Variants in DLG2 observed in about 807,000 individuals in gnomAD.
DLG2 encodes disks large homolog 2.
DLG2 carries 45 observed loss-of-function variants against 132.5 expected under a neutral mutation model. That is an observed-to-expected ratio of 0.34 (90% confidence interval 0.27 to 0.44). DLG2 has a LOEUF of 0.44. DLG2 is among the 20% of genes least tolerant of loss of function. The pLI, the probability that DLG2 is intolerant of heterozygous loss-of-function variation, is 1.00. For synonymous variants in DLG2, 424 were observed against 419.6 expected, an observed-to-expected ratio of 1.01 and a Z score of -0.13; for missense variants, 1,045 against 1,196.9, an observed-to-expected ratio of 0.87 and a Z score of 1.87.
At chr11:84,380,182 A>T (rs1259611082) in intron 7 of DLG2, among the ~76,000 whole-genome samples, 1 of 152,102 alleles carries the variant, frequency 6.6e-6, no homozygotes, top group Non-Finnish European at 1.5e-5. Flanking sequence ...GCTCATGGAA[A>T]CCTGTAAGTA....
intron 18 of DLG2, among the ~76,000 whole-genome samples, chr11:83,719,031 C>G (rs1429439705): frequency 6.6e-6 from 1 of 152,204 alleles, no homozygotes; most frequent in African/African-American, 2.4e-5. Flanking sequence ...TGCCTCAACT[C>G]TACTTCAGAC....
intron 10 of DLG2, among the ~76,000 whole-genome samples, chr11:84,069,077 G>A (rs1014502753): frequency 6.6e-6 from 1 of 152,186 alleles, no homozygotes; most frequent in Non-Finnish European, 1.5e-5. Context: ...GGGAGGGCTT[G>A]TTAAACTATA....
intron 18 of DLG2, among the ~76,000 whole-genome samples, chr11:83,741,129 A>G (rs1207474622): frequency 6.6e-6 from 1 of 152,212 alleles, no homozygotes; most frequent in Non-Finnish European, 1.5e-5. Flanking sequence ...CCCTTAACAG[A>G]CTAGGCACTG....
At chr11:85,191,246 G>A (rs1489593446) in intron 4 of DLG2, among the ~76,000 whole-genome samples, 14 of 148,434 alleles carry the variant, frequency 9.4e-5, no homozygotes, top group Non-Finnish European at 2.1e-4. Context: ...ACAAAATGGC[G>A]TATGGTGTAT....
At chr11:84,703,883 T>TATATATATATATATATATACACAC (rs1555174924) in intron 6 of DLG2, among the ~76,000 whole-genome samples, 3 of 119,920 alleles carry the variant, frequency 2.5e-5, no homozygotes, top group Admixed American at 2.4e-4. Context: ...TATATATATA[T>TATATATATATATATATATACACAC]ACACGTGTGT....
chr11:84,231,427 A>G (rs144897527), intron 8 of DLG2, among the ~76,000 whole-genome samples: 1 of 152,326 alleles, frequency 6.6e-6, no homozygotes, highest in African/African-American at 2.4e-5. Context: ...TCTCAGTGAT[A>G]CAACTACAGA....
At chr11:83,468,048 C>T (rs1436964856) in intron 25 of DLG2, among the ~76,000 whole-genome samples, 1 of 151,854 alleles carries the variant, frequency 6.6e-6, no homozygotes, top group Non-Finnish European at 1.5e-5. Flanking sequence ...GATACATTTG[C>T]CACATCATAT....
chr11:84,277,432 ACT>A lies in DLG2; in HGVS notation c.520-26143_520-26142del, dbSNP rs147747141. ...ATCAATAACAGAACAATCTCTGGAAACTCTCAAAATATTAAGAAAATAAATGA... is the reference window on the plus strand; with the variant it reads ...ATCAATAACAGAACAATCTCTGGAAACTCAAAATATTAAGAAAATAAATGA... On this transcript the variant is annotated intron_variant, in intron 7 of 27. Coordinates refer to ENST00000376104, the MANE Select transcript of DLG2 (RefSeq NM_001142699.3). 2.0e-3 allele frequency among the ~76,000 whole-genome samples: 299 copies of A among 152,338 alleles called. 5 individuals carry two copies. In the East Asian group the frequency reaches 0.046, roughly 23 times the overall value.
chr11:85,117,101 C>T (rs115142603), intron 5 of DLG2, among the ~76,000 whole-genome samples: 24 of 152,064 alleles, frequency 1.6e-4, no homozygotes, highest in African/African-American at 5.1e-4. Context: ...TCTCAGAGTT[C>T]GTCAAGGCAA....
At chr11:83,706,162 G>A (rs935052995) in intron 18 of DLG2, among the ~76,000 whole-genome samples, 10 of 150,742 alleles carry the variant, frequency 6.6e-5, no homozygotes, top group Non-Finnish European at 1.3e-4. Context: ...AGGTTGCAGT[G>A]AGCTGAGATC....
intron 6 of DLG2, among the ~76,000 whole-genome samples, chr11:84,582,298 C>T (rs911303698): frequency 6.7e-6 from 1 of 149,946 alleles, no homozygotes; most frequent in East Asian, 1.9e-4. Flanking sequence ...TTGAAGGTGG[C>T]GAATATATAT....
intron 7 of DLG2, among the ~76,000 whole-genome samples, chr11:84,447,058 T>A (rs1010855587): frequency 6.6e-6 from 1 of 152,216 alleles, no homozygotes; most frequent in African/African-American, 2.4e-5. Context: ...TATTGTTAAG[T>A]GTTTCCTGCA....
intron 22 of DLG2, among the ~76,000 whole-genome samples, chr11:83,479,468 G>T (rs187283623): frequency 3.7e-4 from 57 of 152,176 alleles, no homozygotes; most frequent in African/African-American, 1.3e-3. Flanking sequence ...AGCATCTGTG[G>T]GTCACAGGTA....
intron 6 of DLG2, among the ~76,000 whole-genome samples, chr11:84,816,139 C>G (rs1366056288): frequency 2.0e-5 from 3 of 152,014 alleles, no homozygotes; most frequent in African/African-American, 7.2e-5. Flanking sequence ...ACAAATGCAA[C>G]ACCTTTTTGA....
At chr11:83,846,944 A>AGC (rs1291544936) in intron 16 of DLG2, among the ~76,000 whole-genome samples, 1 of 83,284 alleles carries the variant, frequency 1.2e-5, no homozygotes, top group Non-Finnish European at 3.0e-5. Flanking sequence ...CCCAAGCCAA[A>AGC]AAAAAAAAAA....
At chr11:83,729,877 A>G (rs1262614468) in intron 18 of DLG2, among the ~76,000 whole-genome samples, 1 of 152,192 alleles carries the variant, frequency 6.6e-6, no homozygotes, top group East Asian at 1.9e-4. Context: ...ATATATCTTC[A>G]TTTAAGAAGA....
rs1171692791 is a variant in DLG2 at position 84,502,243 on chromosome 11, C to T, written c.519+32327G>A. On this transcript the variant is annotated intron_variant, in intron 7 of 27. Transcript: ENST00000376104. ...CCTTCCTTCCTTCCTTCCTTCCTTC[C>T]TTCCTTCCTTCCTTCCTTCCTTCCT... is the stretch of plus-strand genomic sequence containing the variant. 1.8e-4 allele frequency among the ~76,000 whole-genome samples: 6 copies of T among 33,188 alleles called. No individual in the cohort carries two copies. The African/African-American group carries it at 3.1e-3, about 17-fold the overall frequency. 21.8% of individuals were successfully genotyped at this position (33,188 alleles called of 152,430 possible). A position where few individuals can be genotyped will look rare whatever the true frequency, so the allele number is the denominator to read the frequency against.
intron 6 of DLG2, among the ~76,000 whole-genome samples, chr11:84,779,884 C>G (rs2071394920): frequency 7.4e-6 from 1 of 135,296 alleles, no homozygotes; most frequent in Non-Finnish European, 1.7e-5. Context: ...ACAAAACAAT[C>G]TCTCAACAAA....
chr11:84,638,050 T>C (rs899753464), intron 6 of DLG2, among the ~76,000 whole-genome samples: 1 of 152,240 alleles, frequency 6.6e-6, no homozygotes, highest in Admixed American at 6.5e-5. Flanking sequence ...TGTTTGCTTG[T>C]TTGGCTGATT....
Sources: allele counts gnomAD v4.1 joint callset (sites outside exome capture counted in the v4.1 genomes callset), GRCh38; gene constraint gnomAD v4.1.1; transcripts MANE v1.5; gene names NCBI Gene and HGNC (gene_info 2026-07-23, HGNC 2026-07-21).